The following GPAT4 variants were observed in gnomAD, a reference collection of about 807,000 sequenced individuals.
The protein encoded by GPAT4 is 1-AGP acyltransferase 6.
Under a neutral mutation model 58.0 loss-of-function variants are expected in GPAT4, and 17 were observed. The observed-to-expected ratio is 0.29, with a 90% CI of 0.20 to 0.44. The LOEUF (loss-of-function observed/expected upper bound fraction) is 0.44. Ranked by LOEUF, GPAT4 falls within the 20% of genes least tolerant of loss-of-function variation. GPAT4 has a pLI of 1.00. For synonymous variants in GPAT4, 204 were observed against 210.1 expected (o/e 0.97, Z 0.25); for missense variants, 377 against 574.5 (o/e 0.66, Z 3.51).
intron 2 of GPAT4, among the ~76,000 whole-genome samples, chr8:41,608,010 T>C (rs535817153): frequency 6.6e-6 from 1 of 152,294 alleles, no homozygotes; most frequent in South Asian, 2.1e-4. Flanking sequence ...CCTTCCTCCA[T>C]TTTAGGTATT....
chr8:41,616,034 G>A (rs746436120), intron 10 of GPAT4, among the ~76,000 whole-genome samples: 6 of 152,218 alleles, frequency 3.9e-5, no homozygotes, highest in Non-Finnish European at 7.3e-5. Flanking sequence ...CAGAGCCTGA[G>A]GATGCTGTGT....
Position 41,605,492 on chromosome 8 carries a change from T to C in GPAT4, c.166-3924T>C, listed in dbSNP as rs554752388. Among the ~76,000 whole-genome samples, 18 of 152,318 alleles carry C rather than the reference T, an allele frequency of 1.2e-4. No homozygotes were observed. In the East Asian group the frequency reaches 3.5e-3, roughly 29 times the overall value. Reference sequence around the variant, plus strand: ...GCAAAAACACGGCGCATGGAGGGAATGAGGTGGGTTACAATACTGAACTTC... The same window carrying C: ...GCAAAAACACGGCGCATGGAGGGAACGAGGTGGGTTACAATACTGAACTTC... On this transcript the variant is annotated intron_variant, in intron 2 of 12. Transcript: ENST00000396987.
At chr8:41,609,374 G>T in intron 2 of GPAT4, 42 bp from the exon 3 acceptor site, 2 of 1,582,432 alleles carry the variant, frequency 1.3e-6, no homozygotes, top group Non-Finnish European at 1.7e-6. Flanking sequence ...TTGAAAACAG[G>T]TCTCATTCTT....
At chr8:41,586,093 C>T (rs1295224920) in intron 1 of GPAT4, among the ~76,000 whole-genome samples, 3 of 152,336 alleles carry the variant, frequency 2.0e-5, no homozygotes, top group Middle Eastern at 3.4e-3. Flanking sequence ...TTGTATCTCC[C>T]CACTCTCGCC....
intron 1 of GPAT4, among the ~76,000 whole-genome samples, chr8:41,596,374 A>G (rs1802932599): frequency 6.6e-6 from 1 of 152,212 alleles, no homozygotes; most frequent in Admixed American, 6.5e-5. Flanking sequence ...CCAGGTCAAA[A>G]CCAAAGTATC....
intron 1 of GPAT4, among the ~76,000 whole-genome samples, chr8:41,595,713 TTC>T (rs756556013): frequency 9.9e-5 from 15 of 152,104 alleles, no homozygotes; most frequent in Admixed American, 6.5e-5. Context: ...CTCTTTAACT[TTC>T]TCTCTCTTTG....
At chr8:41,618,328 G>A (rs1048911960) in intron 10 of GPAT4, among the ~76,000 whole-genome samples, 1 of 152,172 alleles carries the variant, frequency 6.6e-6, no homozygotes, top group South Asian at 2.1e-4. Flanking sequence ...CAGGGAATGG[G>A]TACATGGGAG....
chr8:41,617,025 C>T (rs1803613976), intron 10 of GPAT4, among the ~76,000 whole-genome samples: 2 of 152,202 alleles, frequency 1.3e-5, no homozygotes, highest in African/African-American at 2.4e-5. Flanking sequence ...GGTTCTCACA[C>T]TCTGGTGACA....
At chr8:41,619,144 T>G (rs1365214312) in intron 12 of GPAT4, 167 bp downstream of exon 12, 1 of 780,850 alleles carries the variant, frequency 1.3e-6, no homozygotes, top group Non-Finnish European at 2.0e-6. Context: ...TGTGCTTCCT[T>G]GACCTTGGGG....
intron 5 of GPAT4, 72 bp downstream of exon 5, chr8:41,610,882 A>G (rs1350437062): frequency 3.6e-5 from 52 of 1,462,338 alleles, no homozygotes; most frequent in Non-Finnish European, 4.6e-5. Context: ...ATCGAAGGCA[A>G]GGACACTTCT....
intron 1 of GPAT4, among the ~76,000 whole-genome samples, chr8:41,582,479 CTTT>C (rs1802545526): frequency 7.7e-5 from 6 of 77,706 alleles, no homozygotes; most frequent in Non-Finnish European, 1.7e-4. Flanking sequence ...ACACACACAT[CTTT>C]CTTTCTTTCT....
chr8:41,611,262 G>T (rs1371722045), intron 5 of GPAT4, among the ~76,000 whole-genome samples: 1 of 152,158 alleles, frequency 6.6e-6, no homozygotes, highest in African/African-American at 2.4e-5. Flanking sequence ...AACGGCATCA[G>T]CAGTAAAGTC....
At chr8:41,604,306 T>C (rs533877962) in intron 2 of GPAT4, among the ~76,000 whole-genome samples, 18 of 152,288 alleles carry the variant, frequency 1.2e-4, no homozygotes, top group African/African-American at 4.3e-4. Context: ...TCTCCCTATA[T>C]AAAGGAACCA....
rs774713617 is a variant in GPAT4, at chr8:41,609,650, T to G, written c.236-5T>G. On this transcript the variant is annotated splice_region_variant and splice_polypyrimidine_tract_variant and intron_variant, in intron 3 of 12. Coordinates refer to ENST00000396987, the MANE Select transcript of GPAT4 (RefSeq NM_178819.4). The stretch of plus-strand genomic sequence containing the variant: ...GCTGCTTGACAGGGACACATTCTTT[T>G]GCAGGAATCATTGCAAAGGATCCCA... 3 of 1,610,158 alleles carry G rather than the reference T, an allele frequency of 1.9e-6. No homozygotes were observed. The South Asian group carries it at 3.3e-5, about 18-fold the overall frequency.
chr8:41,609,278 T>G (rs1803370228), intron 2 of GPAT4, 138 bp from the exon 3 acceptor site: 1 of 895,244 alleles, frequency 1.1e-6, no homozygotes, highest in African/African-American at 1.7e-5. Context: ...GGTTTGAGTT[T>G]CCTTCTAGAC....
At chr8:41,605,199 G>GT (rs1001435717) in intron 2 of GPAT4, among the ~76,000 whole-genome samples, 4 of 152,214 alleles carry the variant, frequency 2.6e-5, no homozygotes, top group African/African-American at 9.7e-5. Context: ...GCACATAGGG[G>GT]TAAGTTCTGG....
intron 4 of GPAT4, 81 bp downstream of exon 4, chr8:41,610,036 T>G: frequency 6.6e-7 from 1 of 1,519,018 alleles, no homozygotes; most frequent in Admixed American, 2.2e-5. Flanking sequence ...CTGCTGTGTA[T>G]TCCCGTTTTA....
chr8:41,587,560 G>A (rs1802688312), intron 1 of GPAT4, among the ~76,000 whole-genome samples: 1 of 152,212 alleles, frequency 6.6e-6, no homozygotes, highest in South Asian at 2.1e-4. Flanking sequence ...CTGACATTTG[G>A]GGCTGGACAG....
At chr8:41,591,270 A>G (rs776477329) in intron 1 of GPAT4, among the ~76,000 whole-genome samples, 3 of 152,184 alleles carry the variant, frequency 2.0e-5, no homozygotes, top group Non-Finnish European at 4.4e-5. Context: ...GTTGGTTTTT[A>G]ACTACCAGGC....
Sources: gnomAD v4.1 joint callset for allele counts (sites outside exome capture counted in the v4.1 genomes callset) on GRCh38, gnomAD v4.1.1 for gene constraint, MANE v1.5 for transcripts, NCBI Gene and HGNC (gene_info 2026-07-23, HGNC 2026-07-21) for gene names.